The following MYH4 variants were observed in gnomAD, a reference collection of about 807,000 sequenced individuals.
The protein encoded by MYH4 is myosin heavy chain 4.
MYH4 carries 200 observed loss-of-function variants against 229.9 expected under a neutral mutation model. The observed-to-expected ratio is 0.87, with a 90% CI of 0.78 to 0.98. The LOEUF (loss-of-function observed/expected upper bound fraction) is 0.98, where lower values mean the gene tolerates loss of function less well. MYH4 is among the 50% of genes least tolerant of loss of function. MYH4 has a pLI of 0.00. For synonymous variants in MYH4, 761 were observed against 834.6 expected, an observed-to-expected ratio of 0.91 and a Z score of 1.52; for missense variants, 2,148 against 2,332.6, an observed-to-expected ratio of 0.92 and a Z score of 1.63.
Position 10,462,977 on chromosome 17 carries a change from A to G in MYH4, c.905-9T>C, listed in dbSNP as rs777197338. On this transcript the variant is annotated splice_polypyrimidine_tract_variant and intron_variant, in intron 10 of 39. Transcript: ENST00000255381. ...GGTGATCAGAAGCATTTCTGAACACATGGAAAAGAACAGTATATAGACAGC... is the reference window on the plus strand; with the variant it reads ...GGTGATCAGAAGCATTTCTGAACACGTGGAAAAGAACAGTATATAGACAGC... 1 of 1,612,394 alleles carries G rather than the reference A, an allele frequency of 6.2e-7. No individual in the cohort carries two copies. The highest frequency in any genetic ancestry group is 1.1e-5 in the South Asian group (1 of 90,940).
chr17:10,445,056 C>T lies in MYH4; in HGVS notation c.5386G>A (p.Asp1796Asn), dbSNP rs1454917061. The change falls in exon 37 of 40, where the codon GAT becomes AAT. Residue 1796 changes from aspartate to asparagine, a missense_variant. Coordinates refer to ENST00000255381, the MANE Select transcript of MYH4 (RefSeq NM_017533.2). ...GCCTCATCCAGACGGAGCTGCAGAT[C>T]CTTCACGGTCTGCTCCATGTTCTTC... The part of the protein sequence containing the change: ...MKKNMEQTVK[D>N]LQLRLDEAEQ... 9 of 1,614,180 alleles carry T rather than the reference C, an allele frequency of 5.6e-6. No homozygotes were observed. The highest frequency in any genetic ancestry group is 2.2e-5 in the South Asian group (2 of 91,076).
intron 11 of MYH4, among the ~76,000 whole-genome samples, chr17:10,462,374 A>G (rs1174859518): frequency 1.3e-5 from 2 of 152,164 alleles, no homozygotes; most frequent in Non-Finnish European, 2.9e-5. Flanking sequence ...GAAGTAGACA[A>G]CCCACTTCTT....
intron 33 of MYH4, 97 bp downstream of exon 33, chr17:10,448,299 G>A: frequency 7.2e-7 from 1 of 1,392,698 alleles, no homozygotes; most frequent in Non-Finnish European, 9.7e-7. Flanking sequence ...TGAATTACTT[G>A]TGTTATTCCC....
At chr17:10,458,467 G>A (rs2072665254) in intron 15 of MYH4, among the ~76,000 whole-genome samples, 1 of 152,132 alleles carries the variant, frequency 6.6e-6, no homozygotes, top group African/African-American at 2.4e-5. Context: ...CCCAAATTGT[G>A]CAGACCTAGT....
At position 10,453,160 on chromosome 17, in the gene MYH4, C is replaced by T; in HGVS notation, c.3103G>A (p.Val1035Met). The T allele has an allele frequency of 2.5e-6, 4 of 1,614,114 alleles. No homozygotes were observed. The highest frequency in any genetic ancestry group is 3.4e-6 in the Non-Finnish European group (4 of 1,180,022). ...TTCTTTTTCACACTTACATCGTCCA[C>T]TTGCTGTTCTAGCTTGGTTTTAGCT... ...TKAKTKLEQQ[V>M]DDLEGSLEQE... The change falls in exon 24 of 40, where the codon GTG (valine) becomes ATG (methionine). Residue 1035 changes from valine (V) to methionine (M), a missense_variant. Coordinates refer to ENST00000255381, the MANE Select transcript of MYH4 (RefSeq NM_017533.2).
chr17:10,462,637 C>G (rs1217832460), intron 11 of MYH4, among the ~76,000 whole-genome samples: 1 of 152,084 alleles, frequency 6.6e-6, no homozygotes, highest in Non-Finnish European at 1.5e-5. Flanking sequence ...AGCCTACTAG[C>G]TAAGGAATAC....
chr17:10,468,891 A>G lies in MYH4; in HGVS notation c.-40+397T>C, dbSNP rs370283018. ...ACACACTGTATTTCAAGATACATAA[A>G]GGCTAACTGGCTTGACCCAGGCAAA... On this transcript the variant is annotated intron_variant, in intron 2 of 39. Transcript: ENST00000255381. Among the ~76,000 whole-genome samples, 12 of 152,344 alleles carry G rather than the reference A, an allele frequency of 7.9e-5. No individual in the cohort carries two copies. In the South Asian group the frequency reaches 1.9e-3, roughly 24 times the overall value.
Position 10,445,287 on chromosome 17 carries a change from C to A in MYH4, c.5245G>T (p.Val1749Phe), listed in dbSNP as rs144889690. The change falls in exon 36 of 40, where the codon GTC becomes TTC. Residue 1749 changes from valine to phenylalanine, a missense_variant. Val to Phe is a conservative substitution (Grantham distance 50). Coordinates refer to ENST00000255381, the MANE Select transcript of MYH4 (RefSeq NM_017533.2). ...SQIQGEMEDI[V>F]QEARNAEEKA... ...TCCTCTGCATTGCGGGCTTCCTGGA[C>A]GATGTCCTCCATCTCTCCCTGGATT... is the stretch of plus-strand genomic sequence containing the variant. 9 of 1,614,146 alleles carry A rather than the reference C, an allele frequency of 5.6e-6. No homozygotes were observed. Among genetic ancestry groups the A allele is most frequent in the Middle Eastern group, 3.3e-4 (2 of 6,062 alleles).
chr17:10,452,430 T>TTA lies in MYH4; in HGVS notation c.3333_3334insTA (p.Ile1112Ter). On this transcript the variant is annotated frameshift_variant, in exon 26 of 40. Transcript: ENST00000255381. LOFTEE classifies it high-confidence loss of function. ...TTATAACTTACCTGTAATTCTTTGA[T>TTA]CTTCTTTTGTAGCTGTATTGCAAGG... 1 of 1,614,152 alleles carries TTA rather than the reference T, an allele frequency of 6.2e-7. No homozygotes were observed. Among genetic ancestry groups the TTA allele is most frequent in the Non-Finnish European group, 8.5e-7 (1 of 1,179,986 alleles).
rs999894721 is a variant in MYH4, at chr17:10,466,753, G to T, written c.-8C>A. On this transcript the variant is annotated 5_prime_UTR_variant, in exon 3 of 40. The change creates a new upstream start codon in the 5' untranslated region. Coordinates refer to ENST00000255381, the MANE Select transcript of MYH4 (RefSeq NM_017533.2). ...CTCAGAGTCAGAACTCATGGCTGCA[G>T]GTTATTGATGGCAGTACTGGACTAG... 1.9e-6 allele frequency: 3 copies of T among 1,614,054 alleles called. No homozygotes were observed. Among genetic ancestry groups the T allele is most frequent in the Non-Finnish European group, 2.5e-6 (3 of 1,180,034 alleles).
chr17:10,466,572 C>T lies in MYH4; in HGVS notation c.174G>A (p.Gly58=), dbSNP rs143441825. 187 of 1,613,886 alleles carry T rather than the reference C, an allele frequency of 1.2e-4. 1 individual carries two copies. The African/African-American group carries it at 1.9e-3, about 17-fold the overall frequency. ...CAGCTTCGGTCTTGGCTGTCACCTT[C>T]CCCCCTTCCCTGCTCTGCACTATTG... The part of the protein sequence containing the change: ...VKAIVQSREG[G]KVTAKTEAGA... The change falls in exon 3 of 40, where the codon GGG becomes GGA. Residue 58 remains glycine, a synonymous_variant. Transcript: ENST00000255381.
At chr17:10,469,430 G>T (rs2072800007) in intron 1 of MYH4, 94 bp from the exon 2 acceptor site, 1 of 152,106 alleles carries the variant, frequency 6.6e-6, no homozygotes, top group Non-Finnish European at 1.5e-5. Context: ...TCGTCCTTAA[G>T]AATGTTGGAA....
Position 10,443,664 on chromosome 17 carries a change from T to A in MYH4, c.5668-137A>T. 2.3e-6 allele frequency: 2 copies of A among 885,612 alleles called. No homozygotes were observed. Among genetic ancestry groups the A allele is most frequent in the Non-Finnish European group, 1.7e-6 (1 of 595,682 alleles). The allele number at this position is 885,612 out of a possible 1,614,324, so 54.9% of individuals were successfully genotyped here. On this transcript the variant is annotated intron_variant, in intron 39 of 39. Coordinates refer to ENST00000255381, the MANE Select transcript of MYH4 (RefSeq NM_017533.2). The surrounding 1 kb of genome is among the most constrained non-coding windows in gnomAD (Gnocchi z 4.6). ...GTCCAGGCATGGTGGCTCACACCTG[T>A]AATCCCAGCACTCTGGGAGACTGAG...
At chr17:10,461,248 TTC>T (rs1180713375) in intron 11 of MYH4, among the ~76,000 whole-genome samples, 194 bp from the exon 12 acceptor site, 1 of 152,128 alleles carries the variant, frequency 6.6e-6, no homozygotes, top group Non-Finnish European at 1.5e-5. Context: ...GCATCAGTCT[TTC>T]CATTTGAGTC....
In MYH4 at chr17:10,447,998, G is replaced by C; in HGVS notation, c.4785C>G (p.Leu1595=). The C allele has an allele frequency of 6.2e-7, 1 of 1,614,008 alleles. No individual in the cohort carries two copies. Among genetic ancestry groups the C allele is most frequent in the Non-Finnish European group, 8.5e-7 (1 of 1,179,996 alleles). ...TACTCTGCATTGACTCCACAACTCT[G>C]AGATGGTTCCTCTTTAGCTGATCGA... ...EELDQLKRNH[L]RVVESMQSTL... The change falls in exon 34 of 40, where the codon CTC becomes CTG. Residue 1595 remains leucine, a synonymous_variant. Transcript: ENST00000255381.
At chr17:10,456,459 A>T in intron 17 of MYH4, 26 bp downstream of exon 17, 1 of 1,554,200 alleles carries the variant, frequency 6.4e-7, no homozygotes, top group Non-Finnish European at 8.7e-7. Context: ...GAAAGTATTT[A>T]TCTGTAATTC....
chr17:10,444,522 C>G, intron 39 of MYH4, 82 bp downstream of exon 39: 3 of 995,156 alleles, frequency 3.0e-6, no homozygotes, highest in Non-Finnish European at 4.6e-6. Context: ...TTAAAGAAAA[C>G]CCCCTAAATT....
In MYH4 at chr17:10,451,346, G is replaced by C. The variant is rs141846097; in HGVS notation, c.3845C>G (p.Ala1282Gly). ...RLINELSAQK[A>G]RLHTESGEFS... Reference sequence around the variant, plus strand: ...CTGACCTGATTCTGTGTGTAAACGTGCCTTCTGGGCTGACAACTCATTTAT... The same window carrying C: ...CTGACCTGATTCTGTGTGTAAACGTCCCTTCTGGGCTGACAACTCATTTAT... The change falls in exon 28 of 40, where the codon GCA becomes GGA. Residue 1282 changes from alanine (A) to glycine (G), a missense_variant. Transcript: ENST00000255381. 1 of 1,613,958 alleles carries C rather than the reference G, an allele frequency of 6.2e-7. No individual in the cohort carries two copies.
Position 10,459,421 on chromosome 17 carries a change from A to G in MYH4, c.1417T>C (p.Phe473Leu), listed in dbSNP as rs779387919. Residue 473 changes from phenylalanine (F) to leucine (L), a missense_variant and splice_region_variant, in exon 15 of 40, where the codon TTC becomes CTC. By Grantham distance (22) the Phe-to-Leu change is conservative. Transcript: ENST00000255381. The stretch of plus-strand genomic sequence containing the variant: ...ATGCACAGCTGCTCCAGGCTGTTGA[A>G]CTACAGAACAAGATAAATATAGGAA... ...LDIAGFEIFD[F>L]NSLEQLCINF... 22 of 1,614,056 alleles carry G rather than the reference A, an allele frequency of 1.4e-5. No individual in the cohort carries two copies. Among genetic ancestry groups the G allele is most frequent in the Non-Finnish European group, 1.8e-5 (21 of 1,180,046 alleles).
Sources: gnomAD v4.1 joint callset for allele counts (sites outside exome capture counted in the v4.1 genomes callset) on GRCh38, gnomAD v4.1.1 for gene constraint, Gnocchi (gnomAD v3.1) non-coding constraint, MANE v1.5 for transcripts, NCBI Gene and HGNC (gene_info 2026-07-23, HGNC 2026-07-21) for gene names.